KCTD10: variants seen among roughly 807,000 people sequenced by gnomAD.
KCTD10 encodes the protein potassium channel tetramerization domain containing 10.
In KCTD10, 13 loss-of-function variants were observed where a neutral mutation model predicts 34.6. The ratio of observed to expected loss-of-function variants is 0.38; its 90% CI spans 0.24 to 0.60. The LOEUF (loss-of-function observed/expected upper bound fraction) is 0.60. Ranked by LOEUF, KCTD10 falls within the 20% of genes least tolerant of loss-of-function variation. The pLI is 0.66. For synonymous variants in KCTD10, 156 were observed against 168.8 expected, an observed-to-expected ratio of 0.92 and a Z score of 0.59; for missense variants, 256 against 420.3, an observed-to-expected ratio of 0.61 and a Z score of 3.42.
chr12:109,471,043 C>T, intron 1 of KCTD10: 2 of 911,738 alleles, frequency 2.2e-6, no homozygotes, highest in South Asian at 5.0e-5. Context: ...GAAATAAACC[C>T]AACTTTGCTT....
intron 2 of KCTD10, among the ~76,000 whole-genome samples, chr12:109,462,411 G>T (rs1424325203): frequency 3.3e-5 from 5 of 152,224 alleles, no homozygotes; most frequent in Non-Finnish European, 7.3e-5. Context: ...CAATACAAAT[G>T]TATAGCCCTG....
At chr12:109,469,987 C>G in intron 1 of KCTD10, 1 of 1,201,556 alleles carries the variant, frequency 8.3e-7, no homozygotes, top group Non-Finnish European at 1.1e-6. Context: ...TAGAGAGGGC[C>G]ATGCATCCCC....
chr12:109,461,231 T>C (rs1160504372), intron 2 of KCTD10, among the ~76,000 whole-genome samples: 1 of 152,218 alleles, frequency 6.6e-6, no homozygotes, highest in African/African-American at 2.4e-5. Context: ...CAAAGCTTCC[T>C]TCAAACTGTC....
intron 2 of KCTD10, among the ~76,000 whole-genome samples, chr12:109,466,114 C>G (rs966135121): frequency 1.3e-5 from 2 of 152,146 alleles, no homozygotes; most frequent in Non-Finnish European, 2.9e-5. Flanking sequence ...AGGGCATGCT[C>G]ACTGCCACAG....
At chr12:109,475,950 T>C (rs1032298159) in intron 1 of KCTD10, among the ~76,000 whole-genome samples, 14 of 152,344 alleles carry the variant, frequency 9.2e-5, no homozygotes, top group African/African-American at 2.9e-4. Flanking sequence ...TTTCTCTCAA[T>C]GTTCTAGTGA....
intron 1 of KCTD10, chr12:109,470,236 C>G (rs1873819354): frequency 6.1e-6 from 6 of 986,174 alleles, no homozygotes; most frequent in Non-Finnish European, 4.8e-6. Flanking sequence ...TCAGCTGCAT[C>G]ACAGATGAAA....
rs746443007 is a variant in KCTD10, at chr12:109,458,046, G to C, written c.420C>G (p.Val140=). The change falls in exon 4 of 7, where the codon GTC becomes GTG. Residue 140 remains valine, a synonymous_variant. Coordinates refer to ENST00000228495, the MANE Select transcript of KCTD10 (RefSeq NM_031954.5). ...NKDTYEPFCK[V]PVITSSKEEQ... ...CTTCCTTGGATGAGGTGATCACAGGGACCTTGCAGAAAGGCTCATAAGTAT... is the reference window on the plus strand; with the variant it reads ...CTTCCTTGGATGAGGTGATCACAGGCACCTTGCAGAAAGGCTCATAAGTAT... 6.2e-7 allele frequency: 1 copy of C among 1,614,124 alleles called. No homozygotes were observed. The highest frequency in any genetic ancestry group is 8.5e-7 in the Non-Finnish European group (1 of 1,179,996).
chr12:109,471,517 C>T (rs73196258), intron 1 of KCTD10: 1 of 608,070 alleles, frequency 1.6e-6, no homozygotes, highest in South Asian at 7.3e-5. Flanking sequence ...CTTTGCTGCC[C>T]GATGCCAAAC....
chr12:109,476,413 C>A (rs1229985358), intron 1 of KCTD10, among the ~76,000 whole-genome samples: 1 of 152,166 alleles, frequency 6.6e-6, no homozygotes, highest in African/African-American at 2.4e-5. Flanking sequence ...GAAAGAAGAT[C>A]TGGGCCAATC....
chr12:109,455,183 C>T (rs1309690813), intron 6 of KCTD10, among the ~76,000 whole-genome samples: 1 of 152,102 alleles, frequency 6.6e-6, no homozygotes, highest in Admixed American at 6.5e-5. Flanking sequence ...TTCTTGGCTA[C>T]CTTAAGAACA....
Position 109,451,827 on chromosome 12 carries a change from G to A in KCTD10, c.724-14C>T, listed in dbSNP as rs374139033. On this transcript the variant is annotated splice_polypyrimidine_tract_variant and intron_variant, in intron 6 of 6. Coordinates refer to ENST00000228495, the MANE Select transcript of KCTD10 (RefSeq NM_031954.5). The surrounding 1 kb of genome is among the most constrained non-coding windows in gnomAD (Gnocchi z 5.0). The stretch of plus-strand genomic sequence containing the variant: ...GGGAAACTCCACCTGTGTTCCCACA[G>A]TATACAGGGCAGGTAAGTTATGGCC... 62 of 1,609,320 alleles carry A rather than the reference G, an allele frequency of 3.9e-5. No homozygotes were observed. The highest frequency in any genetic ancestry group is 4.9e-5 in the Non-Finnish European group (58 of 1,177,250).
At chr12:109,458,671 T>C (rs182761640) in intron 3 of KCTD10, 50 of 152,842 alleles carry the variant, frequency 3.3e-4, no homozygotes, top group Non-Finnish European at 5.8e-4. Context: ...AGGACAGGGC[T>C]GAGCTGCGAT....
intron 6 of KCTD10, among the ~76,000 whole-genome samples, chr12:109,453,756 G>T (rs1872892661): frequency 6.6e-6 from 1 of 152,198 alleles, no homozygotes; most frequent in Non-Finnish European, 1.5e-5. Flanking sequence ...GGGACTCCAG[G>T]GAAGCTTAGA....
chr12:109,472,070 T>A (rs1787417272), intron 1 of KCTD10, among the ~76,000 whole-genome samples: 1 of 152,188 alleles, frequency 6.6e-6, no homozygotes, highest in African/African-American at 2.4e-5. Context: ...TGTAGCTTTA[T>A]CAACACTGCA....
chr12:109,463,242 T>C (rs141810414), intron 2 of KCTD10, among the ~76,000 whole-genome samples: 1 of 152,148 alleles, frequency 6.6e-6, no homozygotes, highest in Non-Finnish European at 1.5e-5. Context: ...ATTATCCAAA[T>C]GACAGCCCAG....
rs1231226146 is a variant in KCTD10, at chr12:109,448,802, C to T, written c.*2793G>A. 1 of 152,216 alleles carries T rather than the reference C, an allele frequency of 6.6e-6. No homozygotes were observed. Among genetic ancestry groups the T allele is most frequent in the Non-Finnish European group, 1.5e-5 (1 of 68,042 alleles). The allele number at this position is 152,216 out of a possible 1,614,324, so 9.4% of individuals were successfully genotyped here. On this transcript the variant is annotated 3_prime_UTR_variant, in exon 7 of 7. Transcript: ENST00000228495. The stretch of plus-strand genomic sequence containing the variant: ...TGTTACAGTGACTTTGGGTAGGGCC[C>T]TAAAGACAGCACACGCTCCAGAGGG...
At chr12:109,472,623 A>G (rs1253004908) in intron 1 of KCTD10, among the ~76,000 whole-genome samples, 1 of 152,250 alleles carries the variant, frequency 6.6e-6, no homozygotes, top group African/African-American at 2.4e-5. Flanking sequence ...TATGTACTGT[A>G]CATAATTGTG....
chr12:109,457,954 G>C, intron 4 of KCTD10, 38 bp downstream of exon 4: 1 of 1,496,654 alleles, frequency 6.7e-7, no homozygotes, highest in Middle Eastern at 1.7e-4. Flanking sequence ...ATCATTTCTG[G>C]TAGCAAAAGA....
chr12:109,467,337 C>T (rs188564743), intron 2 of KCTD10, among the ~76,000 whole-genome samples: 27 of 152,334 alleles, frequency 1.8e-4, no homozygotes, highest in African/African-American at 6.5e-4. Flanking sequence ...CAATACCCAT[C>T]GGCTGTGCGT....
Sources: allele counts gnomAD v4.1 joint callset (sites outside exome capture counted in the v4.1 genomes callset), GRCh38; gene constraint gnomAD v4.1.1; non-coding constraint Gnocchi (gnomAD v3.1); transcripts MANE v1.5; gene names NCBI Gene and HGNC (gene_info 2026-07-23, HGNC 2026-07-21).